The following ZNF577 variants were observed in gnomAD, a reference collection of about 807,000 sequenced individuals.
The protein encoded by ZNF577 is zinc finger protein 577.
In ZNF577, 14 loss-of-function variants were observed where a neutral mutation model predicts 13.9. The observed-to-expected ratio is 1.00, with a 90% CI of 0.66 to 1.57. The LOEUF is 1.57. Among genes scored for constraint, ZNF577 ranks in the 40% most tolerant of loss-of-function variants. The probability of loss-of-function intolerance (pLI) is 0.00; values close to 1 mark genes in which losing one functional copy is unlikely to be tolerated. For missense variants in ZNF577, 555 were observed against 579.2 expected, an observed-to-expected ratio of 0.96 and a Z score of 0.43; for synonymous variants, 203 against 202.9, an observed-to-expected ratio of 1.00 and a Z score of 0.00.
At chr19:51,850,476 A>T (rs2084374116) in intron 5 of ZNF577, among the ~76,000 whole-genome samples, 1 of 152,216 alleles carries the variant, frequency 6.6e-6, no homozygotes, top group Non-Finnish European at 1.5e-5. Context: ...GATTTCTCTG[A>T]AAGAAGACAA....
intron 9 of ZNF577, among the ~76,000 whole-genome samples, chr19:51,813,542 T>G (rs143058963): frequency 9.9e-4 from 150 of 151,944 alleles, no homozygotes; most frequent in African/African-American, 3.5e-3. Flanking sequence ...ATGTTTTCCT[T>G]TTTTTTGAGA....
Position 51,824,188 on chromosome 19 carries a change from C to T in ZNF577, c.*600-12514G>A, listed in dbSNP as rs61736493. ...ATGAGTCTGGCCAAGAGGGTGATGA[C>T]GGGACTCTGGATTTTCACCATAGTC... On this transcript the variant is annotated intron_variant and NMD_transcript_variant, in intron 9 of 10. Coordinates refer to the ZNF577 transcript ENST00000638827. The surrounding 1 kb of genome is among the most constrained non-coding windows in gnomAD (Gnocchi z 4.7). 3,122 of 1,614,066 alleles carry T rather than the reference C, an allele frequency of 1.9e-3. 27 individuals are homozygous for T. The African/African-American group carries it at 0.026, about 13-fold the overall frequency.
In ZNF577 at chr19:51,872,931, T is replaced by C. The variant is rs1435665003; in HGVS notation, c.1059A>G (p.Pro353=). The part of the protein sequence containing the change: ...QHQRTHTGER[P]YSCRECGKAF... ...CTTTGCCACATTCTCTGCATGAATA[T>C]GGTCTCTCTCCAGTGTGAGTACGCT... The change falls in exon 6 of 6, where the codon CCA becomes CCG. Residue 353 remains proline, a synonymous_variant. Coordinates refer to ENST00000638348, the MANE Select transcript of ZNF577 (RefSeq NM_001370449.1). The C allele has an allele frequency of 4.3e-6, 7 of 1,614,096 alleles. No homozygotes were observed. Among genetic ancestry groups the C allele is most frequent in the Admixed American group, 1.7e-5 (1 of 60,006 alleles).
chr19:51,869,009 C>T lies in ZNF577; in HGVS notation c.*3523G>A, dbSNP rs142944794. Among the ~76,000 whole-genome samples, 9,989 of 151,884 alleles carry T rather than the reference C, an allele frequency of 0.066. 462 individuals are homozygous for T. Among genetic ancestry groups the T allele is most frequent in the Non-Finnish European group, 0.099 (6,701 of 68,010 alleles). ...AGGGACACAATGCACTGCGGAAGGC[C>T]GCAGGGACCTCTGCCCAAGAAAGCC... On this transcript the variant is annotated 3_prime_UTR_variant, in exon 6 of 6. Transcript: ENST00000638348.
intron 5 of ZNF577, among the ~76,000 whole-genome samples, chr19:51,850,798 G>A (rs933272250): frequency 6.6e-6 from 1 of 152,166 alleles, no homozygotes; most frequent in African/African-American, 2.4e-5. Context: ...TTACAAAACT[G>A]TTTTGCACCA....
intron 5 of ZNF577, among the ~76,000 whole-genome samples, chr19:51,854,402 C>T (rs2084397412): frequency 6.6e-6 from 1 of 151,574 alleles, no homozygotes; most frequent in Non-Finnish European, 1.5e-5. Flanking sequence ...GATCATGGCT[C>T]ACTGCAGCCT....
rs1290105419 is a variant in ZNF577, at chr19:51,873,166, C to T, written c.824G>A (p.Cys275Tyr). 1 of 1,614,040 alleles carries T rather than the reference C, an allele frequency of 6.2e-7. No homozygotes were observed. Among genetic ancestry groups the T allele is most frequent in the African/African-American group, 1.3e-5 (1 of 74,916 alleles). The change falls in exon 6 of 6, where the codon TGT (cysteine) becomes TAT (tyrosine). Residue 275 changes from cysteine to tyrosine, a missense_variant. Transcript: ENST00000638348. ...TGCCTTCTGAGAAAAGGCTTTCCCA[C>T]ACACACTGCACCCATAGAGTTTCTC... ...TGEKLYGCSV[C>Y]GKAFSQKAYL...
chr19:51,874,357 A>G (rs1419981234), intron 5 of ZNF577, among the ~76,000 whole-genome samples: 1 of 152,228 alleles, frequency 6.6e-6, no homozygotes, highest in African/African-American at 2.4e-5. Flanking sequence ...TGTGAAGAAC[A>G]GTACAAAGGA....
rs376402835 is a variant in ZNF577 at position 51,880,336 on chromosome 19, C to A, written c.47G>T (p.Ser16Ile). The change falls in exon 3 of 6, where the codon AGT becomes ATT. Residue 16 changes from serine (S) to isoleucine (I), a missense_variant. Physicochemically the swap from Ser to Ile is moderately radical, Grantham distance 142. Transcript: ENST00000638348. ...IVMSVRREQG[S>I]SSGEGSLSFE... ...TGACAAATTTACCTCCCCTGAAGAACTGCCTTGCTCTCTCCTCACAGACAT... is the reference window on the plus strand; with the variant it reads ...TGACAAATTTACCTCCCCTGAAGAAATGCCTTGCTCTCTCCTCACAGACAT... 44 of 1,614,102 alleles carry A rather than the reference C, an allele frequency of 2.7e-5. No homozygotes were observed. In the Admixed American group the frequency reaches 3.2e-4, roughly 12 times the overall value.
At chr19:51,842,373 G>A (rs1344422123) in intron 8 of ZNF577, among the ~76,000 whole-genome samples, 1 of 152,160 alleles carries the variant, frequency 6.6e-6, no homozygotes, top group Admixed American at 6.5e-5. Context: ...TCCACCTCAT[G>A]AGCAAGTTAA....
At chr19:51,831,094 A>G (rs909897439) in intron 9 of ZNF577, among the ~76,000 whole-genome samples, 1 of 152,058 alleles carries the variant, frequency 6.6e-6, no homozygotes, top group African/African-American at 2.4e-5. Context: ...CCCAAATATA[A>G]GTAATTATTG....
chr19:51,810,080 C>T (rs763472216), intron 10 of ZNF577, among the ~76,000 whole-genome samples: 12 of 152,110 alleles, frequency 7.9e-5, no homozygotes, highest in East Asian at 3.9e-4. Flanking sequence ...TGAGATCTGG[C>T]GGCATTCCTT....
intron 8 of ZNF577, among the ~76,000 whole-genome samples, chr19:51,842,056 A>T (rs1275261934): frequency 6.6e-6 from 1 of 152,242 alleles, no homozygotes; most frequent in Non-Finnish European, 1.5e-5. Flanking sequence ...GTGTCATCAA[A>T]CTTGGAAAAG....
At chr19:51,854,840 CT>C (rs1245162559) in intron 5 of ZNF577, among the ~76,000 whole-genome samples, 60 of 151,922 alleles carry the variant, frequency 3.9e-4, no homozygotes, top group African/African-American at 1.4e-3. Context: ...CACTTTTTTT[CT>C]GTTTCACTTC....
At chr19:51,880,500 CCT>C (rs1284976986) in intron 2 of ZNF577, 99 bp from the exon 3 acceptor site, 2 of 984,866 alleles carry the variant, frequency 2.0e-6, no homozygotes, top group African/African-American at 1.6e-5. Context: ...TCACAAACCC[CCT>C]GATCCATATA....
chr19:51,872,746 A>G lies in ZNF577; in HGVS notation c.1244T>C (p.Ile415Thr), dbSNP rs764971465. Residue 415 changes from isoleucine to threonine, a missense_variant, in exon 6 of 6, where the codon ATA becomes ACA. Physicochemically the swap from Ile to Thr is moderately conservative, Grantham distance 89 (BLOSUM62 -1). Transcript: ENST00000638348. ...CGGGGTTCCTGAGGAAGGCATTTCTATAGGTACTGTGTTCACAGTCTTTTG... is the reference window on the plus strand; with the variant it reads ...CGGGGTTCCTGAGGAAGGCATTTCTGTAGGTACTGTGTTCACAGTCTTTTG... ...QEQKTVNTVP[I>T]EMPSSGTPPL... 3.7e-5 allele frequency: 59 copies of G among 1,614,036 alleles called. No individual in the cohort carries two copies. The South Asian group carries it at 6.0e-4, about 17-fold the overall frequency.
At chr19:51,807,475 G>A (rs756549671) in intron 10 of ZNF577, among the ~76,000 whole-genome samples, 4 of 152,204 alleles carry the variant, frequency 2.6e-5, no homozygotes, top group African/African-American at 7.2e-5. Flanking sequence ...ATGGGCCTTC[G>A]GGTCCCTGCA....
chr19:51,872,400 G>T lies in ZNF577; in HGVS notation c.*132C>A. On this transcript the variant is annotated 3_prime_UTR_variant, in exon 6 of 6. Transcript: ENST00000638348. The stretch of plus-strand genomic sequence containing the variant: ...ACATGATTTCAATGGTGTTTAACAG[G>T]TTTGACTTCTCACAGAAATGTCCTC... 2 of 724,862 alleles carry T rather than the reference G, an allele frequency of 2.8e-6. No individual in the cohort carries two copies. Among genetic ancestry groups the T allele is most frequent in the Non-Finnish European group, 4.4e-6 (2 of 457,282 alleles). 44.9% of individuals were successfully genotyped at this position (724,862 alleles called of 1,614,324 possible).
chr19:51,871,917 A>G lies in ZNF577; in HGVS notation c.*615T>C, dbSNP rs1159912584. On this transcript the variant is annotated 3_prime_UTR_variant, in exon 6 of 6. Transcript: ENST00000638348. ...TGCATTTGGACTTCAGTCCTCCAGA[A>G]CTGTAAGATAATGATTTTGTGTTGT... 2 of 152,202 alleles carry G rather than the reference A, an allele frequency of 1.3e-5. No individual in the cohort carries two copies. Among genetic ancestry groups the G allele is most frequent in the Admixed American group, 6.5e-5 (1 of 15,272 alleles). The allele number at this position is 152,202 out of a possible 1,614,324, so 9.4% of individuals were successfully genotyped here. A position where few individuals can be genotyped will look rare whatever the true frequency, so the allele number is the denominator to read the frequency against.
Sources: allele counts gnomAD v4.1 joint callset (sites outside exome capture counted in the v4.1 genomes callset), GRCh38; gene constraint gnomAD v4.1.1; non-coding constraint Gnocchi (gnomAD v3.1); transcripts MANE v1.5; gene names NCBI Gene and HGNC (gene_info 2026-07-23, HGNC 2026-07-21).